Variants in ICA1 observed in about 807,000 individuals in gnomAD.
ICA1 encodes 69 kDa islet cell autoantigen.
Under a neutral mutation model 71.0 loss-of-function variants are expected in ICA1, and 40 were observed. That is an observed-to-expected ratio of 0.56 (90% CI 0.44 to 0.73). ICA1 has a LOEUF of 0.73. ICA1 is among the 30% of genes least tolerant of loss of function. The probability of loss-of-function intolerance (pLI) is 0.00; values close to 1 mark genes in which losing one functional copy is unlikely to be tolerated. For missense variants in ICA1, 578 were observed against 576.5 expected, an observed-to-expected ratio of 1.00 and a Z score of -0.03; for synonymous variants, 207 against 209.5, an observed-to-expected ratio of 0.99 and a Z score of 0.10.
intron 13 of ICA1, among the ~76,000 whole-genome samples, chr7:8,119,398 C>G (rs567292634): frequency 1.3e-5 from 2 of 152,290 alleles, no homozygotes; most frequent in South Asian, 4.1e-4. Flanking sequence ...AGACTCGAAG[C>G]ATTATATTTT....
chr7:8,134,975 G>A (rs1342276071), intron 12 of ICA1, among the ~76,000 whole-genome samples: 2 of 152,026 alleles, frequency 1.3e-5, no homozygotes, highest in African/African-American at 4.8e-5. Context: ...TAATCTTACT[G>A]AAAAACATAA....
intron 6 of ICA1, among the ~76,000 whole-genome samples, chr7:8,188,552 T>C (rs1015528323): frequency 1.3e-5 from 2 of 152,168 alleles, no homozygotes. Flanking sequence ...TGTTACTATT[T>C]TAAAAGTGAG....
chr7:8,169,696 C>G (rs1807539152), intron 6 of ICA1, among the ~76,000 whole-genome samples: 1 of 151,936 alleles, frequency 6.6e-6, no homozygotes, highest in South Asian at 2.1e-4. Flanking sequence ...ATGGGTTTAT[C>G]TTTTTATTAC....
intron 6 of ICA1, among the ~76,000 whole-genome samples, chr7:8,167,704 G>C (rs911171304): frequency 1.3e-5 from 2 of 152,112 alleles, no homozygotes; most frequent in Admixed American, 6.5e-5. Context: ...GTTTAAATGG[G>C]GGGTGGCAAG....
At chr7:8,233,114 AG>A (rs1371557735) in intron 2 of ICA1, among the ~76,000 whole-genome samples, 4 of 151,660 alleles carry the variant, frequency 2.6e-5, no homozygotes, top group African/African-American at 9.8e-5. Flanking sequence ...TCAGAGATAA[AG>A]CCAGACACCA....
chr7:8,117,345 C>A (rs1785132108), intron 13 of ICA1, among the ~76,000 whole-genome samples: 1 of 152,170 alleles, frequency 6.6e-6, no homozygotes, highest in Admixed American at 6.5e-5. Context: ...CCCTGCCTGC[C>A]CCAGAATGGT....
intron 6 of ICA1, among the ~76,000 whole-genome samples, chr7:8,171,808 G>A (rs1808468921): frequency 6.6e-6 from 1 of 151,708 alleles, no homozygotes; most frequent in Non-Finnish European, 1.5e-5. Flanking sequence ...GTTGTGTTCT[G>A]ATTTCAATTA....
chr7:8,247,284 C>G (rs535246448), intron 1 of ICA1, among the ~76,000 whole-genome samples: 8 of 151,940 alleles, frequency 5.3e-5, no homozygotes, highest in African/African-American at 1.9e-4. Flanking sequence ...AACTCTGTCT[C>G]TACAAAAAAA....
chr7:8,132,488 C>T lies in ICA1; in HGVS notation c.1061-4346G>A, dbSNP rs993612079. On this transcript the variant is annotated intron_variant, in intron 12 of 13. Transcript: ENST00000402384. This position sits in a 1 kb window ranked among gnomAD's most constrained non-coding sequence, Gnocchi z 4.5. ...GCCTGTAATTAAGTTCCTGCCCCCA[C>T]CCTATACTGAAATAGCTCTCTTGAA... Among the ~76,000 whole-genome samples, 10 of 152,206 alleles carry T rather than the reference C, an allele frequency of 6.6e-5. No individual in the cohort carries two copies. The highest frequency in any genetic ancestry group is 2.2e-4 in the African/African-American group (9 of 41,446).
intron 13 of ICA1, 146 bp from the exon 14 acceptor site, chr7:8,114,190 G>A: frequency 1.2e-6 from 1 of 845,914 alleles, no homozygotes; most frequent in South Asian, 1.7e-5. Context: ...AATAGTTAGG[G>A]AATTCCAACT....
chr7:8,262,257 G>A (rs1356796303), upstream of ICA1: 1 of 151,932 alleles, frequency 6.6e-6, no homozygotes, highest in Non-Finnish European at 1.5e-5. Flanking sequence ...GCAACCGGCG[G>A]AGCCCGTGCG....
At chr7:8,162,796 C>T (rs1015265595) in intron 6 of ICA1, among the ~76,000 whole-genome samples, 1 of 152,192 alleles carries the variant, frequency 6.6e-6, no homozygotes, top group Admixed American at 6.5e-5. Flanking sequence ...TGGAGTCTCG[C>T]TCTGTCACCC....
intron 6 of ICA1, among the ~76,000 whole-genome samples, chr7:8,193,175 C>T (rs1786287390): frequency 1.3e-5 from 2 of 152,160 alleles, no homozygotes; most frequent in African/African-American, 4.8e-5. Flanking sequence ...CACAAGTACT[C>T]TCAGACACAA....
intron 8 of ICA1, 88 bp downstream of exon 8, chr7:8,157,028 T>A: frequency 6.2e-7 from 1 of 1,610,060 alleles, no homozygotes; most frequent in Non-Finnish European, 8.5e-7. Context: ...CCTGGAATAA[T>A]GATGCTTTCT....
intron 8 of ICA1, 23 bp downstream of exon 8, chr7:8,157,093 A>T (rs1338876464): frequency 1.2e-6 from 2 of 1,614,086 alleles, no homozygotes; most frequent in Non-Finnish European, 1.7e-6. Context: ...AAGATTTTCT[A>T]GTGGCCCCTC....
chr7:8,175,933 G>A (rs1432373931), intron 6 of ICA1, among the ~76,000 whole-genome samples: 1 of 152,174 alleles, frequency 6.6e-6, no homozygotes, highest in Non-Finnish European at 1.5e-5. Flanking sequence ...CCCCGCTCCT[G>A]CCTCGTCAGT....
chr7:8,158,490 C>T, intron 7 of ICA1, 37 bp downstream of exon 7: 1 of 1,610,154 alleles, frequency 6.2e-7, no homozygotes, highest in African/African-American at 1.3e-5. Flanking sequence ...AACCTTGTGC[C>T]ATCCTTGGTT....
chr7:8,228,752 G>A (rs1230586510), intron 3 of ICA1, 79 bp from the exon 4 acceptor site: 19 of 942,640 alleles, frequency 2.0e-5, no homozygotes, highest in Non-Finnish European at 2.9e-5. Flanking sequence ...AACACAACCA[G>A]AGTGTTCAAT....
rs567963804 is a variant in ICA1 at position 8,130,481 on chromosome 7, C to G, written c.1061-2339G>C. Among the ~76,000 whole-genome samples, 2 of 152,230 alleles carry G rather than the reference C, an allele frequency of 1.3e-5. No individual in the cohort carries two copies. Among genetic ancestry groups the G allele is most frequent in the East Asian group, 1.9e-4 (1 of 5,206 alleles). Reference sequence around the variant, plus strand: ...TTAACATTACAGAACTCTATACTTCCTACTTTCAGGTAGGACTGGAATGCC... The same window carrying G: ...TTAACATTACAGAACTCTATACTTCGTACTTTCAGGTAGGACTGGAATGCC... On this transcript the variant is annotated intron_variant, in intron 12 of 13. Coordinates refer to ENST00000402384, the MANE Select transcript of ICA1 (RefSeq NM_001136020.3). This position sits in a 1 kb window ranked among gnomAD's most constrained non-coding sequence, Gnocchi z 4.2.
Sources: allele counts gnomAD v4.1 joint callset (sites outside exome capture counted in the v4.1 genomes callset), GRCh38; gene constraint gnomAD v4.1.1; non-coding constraint Gnocchi (gnomAD v3.1); transcripts MANE v1.5; gene names NCBI Gene and HGNC (gene_info 2026-07-23, HGNC 2026-07-21).